Variants in CLEC14A observed in about 807,000 individuals in gnomAD.
CLEC14A encodes C-type lectin domain containing 14A.
For missense variants in CLEC14A, 682 were observed against 659.9 expected, an observed-to-expected ratio of 1.03 and a Z score of -0.37; for synonymous variants, 349 against 292.0, an observed-to-expected ratio of 1.20 and a Z score of -1.99.
chr14:38,255,457 T>C lies in CLEC14A; in HGVS notation c.566A>G (p.Asn189Ser). The C allele has an allele frequency of 6.2e-7, 1 of 1,613,062 alleles. No individual in the cohort carries two copies. The highest frequency in any genetic ancestry group is 2.2e-5 in the East Asian group (1 of 44,824). The change falls in exon 1 of 1, where the codon AAC becomes AGC. Residue 189 changes from asparagine to serine, a missense_variant. Transcript: ENST00000342213. This position sits in a 1 kb window ranked among gnomAD's most constrained non-coding sequence, Gnocchi z 5.1. ...CTGGAAGGGCGCGCGATAGCTCAAGTTAGAGGCGGCCCCGGGGCGCGGCGC... is the reference window on the plus strand; with the variant it reads ...CTGGAAGGGCGCGCGATAGCTCAAGCTAGAGGCGGCCCCGGGGCGCGGCGC... ...CPAPRPGAAS[N>S]LSYRAPFQLH...
rs372611166 is a variant in CLEC14A, at chr14:38,254,831, C to A, written c.1192G>T (p.Val398Leu). The A allele has an allele frequency of 6.2e-7, 1 of 1,614,100 alleles. No homozygotes were observed. Among genetic ancestry groups the A allele is most frequent in the African/African-American group, 1.3e-5 (1 of 75,046 alleles). The change falls in exon 1 of 1, where the codon GTG (valine) becomes TTG (leucine). Residue 398 changes from valine (V) to leucine (L), a missense_variant. Coordinates refer to ENST00000342213, the MANE Select transcript of CLEC14A (RefSeq NM_175060.3). Reference protein sequence around the residue: ...TPQAFDSSSAVVFIFVSTAVV... With the variant: ...TPQAFDSSSALVFIFVSTAVV... ...GCTGTGCTCACAAATATGAAGACCACGGCAGAGGAGGAGTCGAAAGCCTGA... is the reference window on the plus strand; with the variant it reads ...GCTGTGCTCACAAATATGAAGACCAAGGCAGAGGAGGAGTCGAAAGCCTGA...
In CLEC14A at chr14:38,254,241, G is replaced by T; in HGVS notation, c.*309C>A. 4.1e-6 allele frequency: 1 copy of T among 242,420 alleles called. No individual in the cohort carries two copies. Among genetic ancestry groups the T allele is most frequent in the Non-Finnish European group, 7.8e-6 (1 of 127,874 alleles). 15.0% of individuals were successfully genotyped at this position (242,420 alleles called of 1,614,324 possible). ...ATTATTTTTTAATGTAAATTATATT[G>T]TGTTCTATTTGTTTCCAATGTCTTG... On this transcript the variant is annotated 3_prime_UTR_variant, in exon 1 of 1. Coordinates refer to ENST00000342213, the MANE Select transcript of CLEC14A (RefSeq NM_175060.3).
Position 38,254,658 on chromosome 14 carries a change from A to G in CLEC14A, c.1365T>C (p.Ser455=), listed in dbSNP as rs375642755. 1.9e-4 allele frequency: 306 copies of G among 1,614,014 alleles called. 1 individual carries two copies. Among genetic ancestry groups the G allele is most frequent in the Non-Finnish European group, 2.6e-4 (302 of 1,180,012 alleles). Residue 455 remains serine (S), a synonymous_variant, in exon 1 of 1, where the codon AGT becomes AGC. Coordinates refer to ENST00000342213, the MANE Select transcript of CLEC14A (RefSeq NM_175060.3). Reference sequence around the variant, plus strand: ...CCCCATTGTTTGTGCAATGTGCAGAACTGGAGCCCAAAGCAGCGGGCTCAG... The same window carrying G: ...CCCCATTGTTTGTGCAATGTGCAGAGCTGGAGCCCAAAGCAGCGGGCTCAG... The part of the protein sequence containing the change: ...SDPEPAALGS[S]SAHCTNNGVK...
Position 38,255,788 on chromosome 14 carries a change from C to T in CLEC14A, c.235G>A (p.Ala79Thr), listed in dbSNP as rs1303935506. ...ELRAVLALLR[A>T]GPGPGGGSKD... ...GAGCCCCCTCCGGGCCCTGGGCCTGCCCGCAGGAGCGCGAGCACAGCGCGC... is the reference window on the plus strand; with the variant it reads ...GAGCCCCCTCCGGGCCCTGGGCCTGTCCGCAGGAGCGCGAGCACAGCGCGC... Residue 79 changes from alanine to threonine, a missense_variant, in exon 1 of 1, where the codon GCA becomes ACA. Transcript: ENST00000342213. This position sits in a 1 kb window ranked among gnomAD's most constrained non-coding sequence, Gnocchi z 5.1. 1.3e-6 allele frequency: 2 copies of T among 1,541,970 alleles called. No homozygotes were observed. Among genetic ancestry groups the T allele is most frequent in the Non-Finnish European group, 1.7e-6 (2 of 1,148,028 alleles).
Position 38,254,550 on chromosome 14 carries a change from C to G in CLEC14A, c.1473G>C (p.Ter491TyrextTer45), listed in dbSNP as rs76030597. The change falls in exon 1 of 1, where the codon TAG becomes TAC. Residue 491 changes from the stop codon to tyrosine (Y), a stop_lost. Coordinates refer to ENST00000342213, the MANE Select transcript of CLEC14A (RefSeq NM_175060.3). Reference protein sequence around the residue: ...AESPLGSSDA* With the variant: ...AESPLGSSDAY ...AGGAGTGCCCATGTCCCCTGTTTCC[C>G]TATGCATCACTAGAGCCAAGAGGGG... is the stretch of plus-strand genomic sequence containing the variant. 5 of 1,557,188 alleles carry G rather than the reference C, an allele frequency of 3.2e-6. No individual in the cohort carries two copies. The Admixed American group carries it at 9.7e-5, about 30-fold the overall frequency.
rs1883998494 is a variant in CLEC14A at position 38,254,471 on chromosome 14, C to T, written c.*79G>A. On this transcript the variant is annotated 3_prime_UTR_variant, in exon 1 of 1. Coordinates refer to ENST00000342213, the MANE Select transcript of CLEC14A (RefSeq NM_175060.3). ...GGATTTCTGCAGAAATTGTCAGTTA[C>T]ACAAGTAAGTTCCTCTTGGTTCCCC... The T allele has an allele frequency of 1.5e-6, 2 of 1,360,010 alleles. No homozygotes were observed. Among genetic ancestry groups the T allele is most frequent in the Non-Finnish European group, 2.0e-6 (2 of 997,552 alleles). 84.2% of individuals were successfully genotyped at this position (1,360,010 alleles called of 1,614,324 possible).
chr14:38,254,351 A>G lies in CLEC14A; in HGVS notation c.*199T>C, dbSNP rs548335348. Reference sequence around the variant, plus strand: ...CACTACCCGGTCCCCCAGTATCACCATCCTAAAGGCACTTCCACTTCCTCT... The same window carrying G: ...CACTACCCGGTCCCCCAGTATCACCGTCCTAAAGGCACTTCCACTTCCTCT... On this transcript the variant is annotated 3_prime_UTR_variant, in exon 1 of 1. Transcript: ENST00000342213. 4 of 490,462 alleles carry G rather than the reference A, an allele frequency of 8.2e-6. No individual in the cohort carries two copies. The highest frequency in any genetic ancestry group is 7.8e-5 in the African/African-American group (4 of 51,384). The allele number at this position is 490,462 out of a possible 1,614,324, so 30.4% of individuals were successfully genotyped here. A position where few individuals can be genotyped will look rare whatever the true frequency, so the allele number is the denominator to read the frequency against.
chr14:38,255,519 G>A lies in CLEC14A; in HGVS notation c.504C>T (p.Gly168=), dbSNP rs1344566728. Reference sequence around the variant, plus strand: ...CCTCAAACTGGTACTTGCACAGGTAGCCGTTGGCGCGCAGGTGGCATCGCA... The same window carrying A: ...CCTCAAACTGGTACTTGCACAGGTAACCGTTGGCGCGCAGGTGGCATCGCA... The part of the protein sequence containing the change: ...KEMRCHLRAN[G]YLCKYQFEVL... The change falls in exon 1 of 1, where the codon GGC becomes GGT. Residue 168 remains glycine, a synonymous_variant. Transcript: ENST00000342213. The surrounding 1 kb of genome is among the most constrained non-coding windows in gnomAD (Gnocchi z 5.1). 1 of 1,613,262 alleles carries A rather than the reference G, an allele frequency of 6.2e-7. No homozygotes were observed. The highest frequency in any genetic ancestry group is 8.5e-7 in the Non-Finnish European group (1 of 1,180,016).
rs1171563980 is a variant in CLEC14A, at chr14:38,255,325, G to T, written c.698C>A (p.Ala233Asp). The T allele has an allele frequency of 6.2e-7, 1 of 1,613,652 alleles. No homozygotes were observed. Residue 233 changes from alanine to aspartate, a missense_variant, in exon 1 of 1, where the codon GCT (alanine) becomes GAT (aspartate). Physicochemically the swap from Ala to Asp is moderately radical, Grantham distance 126. Transcript: ENST00000342213. The surrounding 1 kb of genome is among the most constrained non-coding windows in gnomAD (Gnocchi z 5.1). ...ATCGCCCGAGAGTTTGTCCCAGCGA[G>T]CGCCGATTTCGTCCGCGATGCAAGT... ...SVTCIADEIG[A>D]RWDKLSGDVL... is the part of the protein sequence containing the mutation.
In CLEC14A at chr14:38,255,084, G is replaced by A. The variant is rs765743832; in HGVS notation, c.939C>T (p.Pro313=). The A allele has an allele frequency of 3.7e-6, 6 of 1,612,450 alleles. No homozygotes were observed. Among genetic ancestry groups the A allele is most frequent in the Middle Eastern group, 3.3e-4 (2 of 6,082 alleles). ...TRRPPATATS[P]VPQRTWPIRV... ...TGATTGGCCATGTTCTCTGCGGCAC[G>A]GGGCTGGTTGCAGTGGCCGGCGGGC... Residue 313 remains proline, a synonymous_variant, in exon 1 of 1, where the codon CCC becomes CCT. Coordinates refer to ENST00000342213, the MANE Select transcript of CLEC14A (RefSeq NM_175060.3). The surrounding 1 kb of genome is among the most constrained non-coding windows in gnomAD (Gnocchi z 5.1).
chr14:38,255,954 G>C lies in CLEC14A; in HGVS notation c.69C>G (p.His23Gln), dbSNP rs749222346. The C allele has an allele frequency of 6.4e-7, 1 of 1,554,592 alleles. No homozygotes were observed. Among genetic ancestry groups the C allele is most frequent in the South Asian group, 1.2e-5 (1 of 84,534 alleles). Residue 23 changes from histidine (H) to glutamine (Q), a missense_variant, in exon 1 of 1, where the codon CAC becomes CAG. By Grantham distance (24) the His-to-Gln change is conservative. Coordinates refer to ENST00000342213, the MANE Select transcript of CLEC14A (RefSeq NM_175060.3). This position sits in a 1 kb window ranked among gnomAD's most constrained non-coding sequence, Gnocchi z 5.1. ...ALWPGPGGGE[H>Q]PTADRAGCSA... is the part of the protein sequence containing the mutation. ...AGCAGCCAGCACGGTCGGCAGTGGGGTGTTCGCCGCCGCCCGGCCCGGGCC... is the reference window on the plus strand; with the variant it reads ...AGCAGCCAGCACGGTCGGCAGTGGGCTGTTCGCCGCCGCCCGGCCCGGGCC...
chr14:38,254,772 T>A lies in CLEC14A; in HGVS notation c.1251A>T (p.Val417=). ...VVVLVILTMT[V]LGLVKLCFHE... ...GAAAGCAGAGCTTGACAAGCCCCAGTACTGTCATGGTCAAGATCACCAACA... is the reference window on the plus strand; with the variant it reads ...GAAAGCAGAGCTTGACAAGCCCCAGAACTGTCATGGTCAAGATCACCAACA... The change falls in exon 1 of 1, where the codon GTA becomes GTT. Residue 417 remains valine (V), a synonymous_variant. Coordinates refer to ENST00000342213, the MANE Select transcript of CLEC14A (RefSeq NM_175060.3). 1.9e-6 allele frequency: 3 copies of A among 1,614,148 alleles called. No individual in the cohort carries two copies. Among genetic ancestry groups the A allele is most frequent in the Non-Finnish European group, 2.5e-6 (3 of 1,180,024 alleles).
In CLEC14A at chr14:38,255,376, C is replaced by T. The variant is rs758185951; in HGVS notation, c.647G>A (p.Cys216Tyr). 6.2e-7 allele frequency: 1 copy of T among 1,613,532 alleles called. No individual in the cohort carries two copies. The highest frequency in any genetic ancestry group is 2.2e-5 in the East Asian group (1 of 44,866). The change falls in exon 1 of 1, where the codon TGC becomes TAC. Residue 216 changes from cysteine (C) to tyrosine (Y), a missense_variant. Transcript: ENST00000342213. This position sits in a 1 kb window ranked among gnomAD's most constrained non-coding sequence, Gnocchi z 5.1. ...AACTGAGATCGGGAGCTGTCCCCGG[C>T]AGAGCGCACTCACCTCGGTCCCAGG... Reference protein sequence around the residue: ...SPPGTEVSALCRGQLPISVTC... With the variant: ...SPPGTEVSALYRGQLPISVTC...
Position 38,255,899 on chromosome 14 carries a change from G to T in CLEC14A, c.124C>A (p.His42Asn). Residue 42 changes from histidine (H) to asparagine (N), a missense_variant, in exon 1 of 1, where the codon CAC becomes AAC. By Grantham distance (68) the His-to-Asn change is moderately conservative (BLOSUM62 1). Coordinates refer to ENST00000342213, the MANE Select transcript of CLEC14A (RefSeq NM_175060.3). The surrounding 1 kb of genome is among the most constrained non-coding windows in gnomAD (Gnocchi z 5.1). ...GCCGCCTGCCGCTTCATGGTAGCGT[G>T]GTGCAGGCTGTAGCAGGCCCCCGAG... ...SASGACYSLH[H>N]ATMKRQAAEE... 1.3e-6 allele frequency: 2 copies of T among 1,570,328 alleles called. No individual in the cohort carries two copies. Among genetic ancestry groups the T allele is most frequent in the East Asian group, 2.3e-5 (1 of 42,808 alleles).
chr14:38,255,869 C>G lies in CLEC14A; in HGVS notation c.154G>C (p.Glu52Gln), dbSNP rs1451618995. 19 of 1,555,662 alleles carry G rather than the reference C, an allele frequency of 1.2e-5. No homozygotes were observed. Among genetic ancestry groups the G allele is most frequent in the Admixed American group, 1.8e-5 (1 of 54,090 alleles). Residue 52 changes from glutamate to glutamine, a missense_variant, in exon 1 of 1, where the codon GAG (glutamate) becomes CAG (glutamine). Coordinates refer to ENST00000342213, the MANE Select transcript of CLEC14A (RefSeq NM_175060.3). The surrounding 1 kb of genome is among the most constrained non-coding windows in gnomAD (Gnocchi z 5.1). ...HATMKRQAAE[E>Q]ACILRGGALS... ...GCCCCACCTCGCAGGATGCAGGCCT[C>G]CTCGGCCGCCTGCCGCTTCATGGTA...
rs760781143 is a variant in CLEC14A at position 38,255,845 on chromosome 14, C to G, written c.178G>C (p.Ala60Pro). The G allele has an allele frequency of 1.4e-4, 216 of 1,549,032 alleles. No homozygotes were observed. Among genetic ancestry groups the G allele is most frequent in the Non-Finnish European group, 1.7e-4 (193 of 1,154,448 alleles). ...GCGCCCGCACGCACGGTGCTGAGCG[C>G]CCCACCTCGCAGGATGCAGGCCTCC... ...AEEACILRGGALSTVRAGAEL... is the reference protein window; with the variant it reads ...AEEACILRGGPLSTVRAGAEL... The change falls in exon 1 of 1, where the codon GCG becomes CCG. Residue 60 changes from alanine (A) to proline (P), a missense_variant. Physicochemically the swap from Ala to Pro is conservative, Grantham distance 27 (BLOSUM62 -1). Coordinates refer to ENST00000342213, the MANE Select transcript of CLEC14A (RefSeq NM_175060.3). This position sits in a 1 kb window ranked among gnomAD's most constrained non-coding sequence, Gnocchi z 5.1.
chr14:38,254,769 C>A lies in CLEC14A; in HGVS notation c.1254G>T (p.Leu418=). 2 of 1,614,118 alleles carry A rather than the reference C, an allele frequency of 1.2e-6. No homozygotes were observed. Among genetic ancestry groups the A allele is most frequent in the East Asian group, 4.5e-5 (2 of 44,850 alleles). Residue 418 remains leucine, a synonymous_variant, in exon 1 of 1, where the codon CTG becomes CTT. Coordinates refer to ENST00000342213, the MANE Select transcript of CLEC14A (RefSeq NM_175060.3). ...VVLVILTMTV[L]GLVKLCFHES... ...CGTGAAAGCAGAGCTTGACAAGCCC[C>A]AGTACTGTCATGGTCAAGATCACCA...
In CLEC14A at chr14:38,254,384, G is replaced by GGGAA; in HGVS notation, c.*162_*165dup. 1 of 599,752 alleles carries GGGAA rather than the reference G, an allele frequency of 1.7e-6. No individual in the cohort carries two copies. The highest frequency in any genetic ancestry group is 2.8e-5 in the South Asian group (1 of 35,728). The allele number at this position is 599,752 out of a possible 1,614,324, so 37.2% of individuals were successfully genotyped here. Reference sequence around the variant, plus strand: ...GGCACTTCCACTTCCTCTATCATCAGGGAAGGAGTGTGCAGTTCTGATTTA... The same window carrying GGGAA: ...GGCACTTCCACTTCCTCTATCATCAGGGAAGGAAGGAGTGTGCAGTTCTGATTTA... On this transcript the variant is annotated 3_prime_UTR_variant, in exon 1 of 1. Transcript: ENST00000342213.
Position 38,255,834 on chromosome 14 carries a change from G to T in CLEC14A, c.189C>A (p.Thr63=). The T allele has an allele frequency of 1.3e-6, 2 of 1,541,128 alleles. No individual in the cohort carries two copies. Among genetic ancestry groups the T allele is most frequent in the Non-Finnish European group, 1.7e-6 (2 of 1,149,542 alleles). Residue 63 remains threonine, a synonymous_variant, in exon 1 of 1, where the codon ACC becomes ACA. Coordinates refer to ENST00000342213, the MANE Select transcript of CLEC14A (RefSeq NM_175060.3). This position sits in a 1 kb window ranked among gnomAD's most constrained non-coding sequence, Gnocchi z 5.1. ...CGCGCAGCTCGGCGCCCGCACGCAC[G>T]GTGCTGAGCGCCCCACCTCGCAGGA... ...ACILRGGALS[T]VRAGAELRAV...
Sources: allele counts gnomAD v4.1 joint callset, GRCh38; gene constraint gnomAD v4.1.1; non-coding constraint Gnocchi (gnomAD v3.1); transcripts MANE v1.5; gene names NCBI Gene and HGNC (gene_info 2026-07-23, HGNC 2026-07-21).